CARD14: variants seen among roughly 807,000 people sequenced by gnomAD.
The protein encoded by CARD14 is caspase recruitment domain-containing protein 14.
In CARD14, 107 loss-of-function variants were observed where a neutral mutation model predicts 111.5. The ratio of observed to expected loss-of-function variants is 0.96; its 90% CI spans 0.82 to 1.13. The LOEUF (loss-of-function observed/expected upper bound fraction) is 1.13. Among genes scored for constraint, CARD14 ranks in the 50% most tolerant of loss-of-function variants. The pLI is 0.00. For synonymous variants in CARD14, 617 were observed against 579.6 expected (o/e 1.06, Z -0.93); for missense variants, 1,322 against 1,362.3 (o/e 0.97, Z 0.47).
chr17:80,196,368 GT>G (rs1173842860), intron 14 of CARD14: 2 of 152,178 alleles, frequency 1.3e-5, no homozygotes, highest in African/African-American at 4.8e-5. Flanking sequence ...ATTTATAATC[GT>G]GATAAATCGA....
At position 80,201,948 on chromosome 17, in the gene CARD14, C is replaced by A; in HGVS notation, c.1978+78C>A. The A allele has an allele frequency of 6.7e-7, 1 of 1,499,106 alleles. No individual in the cohort carries two copies. The highest frequency in any genetic ancestry group is 9.0e-7 in the Non-Finnish European group (1 of 1,112,912). 92.9% of individuals were successfully genotyped at this position (1,499,106 alleles called of 1,614,324 possible). A position where few individuals can be genotyped will look rare whatever the true frequency, so the allele number is the denominator to read the frequency against. On this transcript the variant is annotated intron_variant, in intron 17 of 23. Transcript: ENST00000648509. The surrounding 1 kb of genome is among the most constrained non-coding windows in gnomAD (Gnocchi z 5.0). The stretch of plus-strand genomic sequence containing the variant: ...CCTTAAGTCCCTGGTGGTTCTTCTG[C>A]ACGCCCAGCAGCCAGGGACCCCCAG...
Position 80,198,994 on chromosome 17 carries a change from G to C in CARD14, c.1851+403G>C, listed in dbSNP as rs2040831025. ...AACAGGGTCTCACTCTGTCACCCAG[G>C]CTAGAGTGCTGCGGTGCGATCACAG... On this transcript the variant is annotated intron_variant, in intron 16 of 23. Transcript: ENST00000648509. The surrounding 1 kb of genome is among the most constrained non-coding windows in gnomAD (Gnocchi z 7.5). 2 of 927,936 alleles carry C rather than the reference G, an allele frequency of 2.2e-6. No homozygotes were observed. Among genetic ancestry groups the C allele is most frequent in the Non-Finnish European group, 2.6e-6 (2 of 759,284 alleles). The allele number at this position is 927,936 out of a possible 1,614,324, so 57.5% of individuals were successfully genotyped here. A position where few individuals can be genotyped will look rare whatever the true frequency, so the allele number is the denominator to read the frequency against.
At position 80,189,701 on chromosome 17, in the gene CARD14, G is replaced by A. The variant is rs369166709; in HGVS notation, c.844-52G>A. ...ATCTTCTCGGGATTCTGCTTGCCTA[G>A]GGCAGGCCTCTGGGGAAGCCAGCAC... On this transcript the variant is annotated intron_variant, in intron 8 of 23. Transcript: ENST00000648509. This position sits in a 1 kb window ranked among gnomAD's most constrained non-coding sequence, Gnocchi z 4.7. 2 of 1,484,608 alleles carry A rather than the reference G, an allele frequency of 1.3e-6. No individual in the cohort carries two copies. The highest frequency in any genetic ancestry group is 1.4e-5 in the South Asian group (1 of 72,548). 92.0% of individuals were successfully genotyped at this position (1,484,608 alleles called of 1,614,324 possible). A position where few individuals can be genotyped will look rare whatever the true frequency, so the allele number is the denominator to read the frequency against.
chr17:80,175,068 C>T (rs972817279), intron 2 of CARD14, among the ~76,000 whole-genome samples: 2 of 152,020 alleles, frequency 1.3e-5, no homozygotes, highest in African/African-American at 4.8e-5. Context: ...CTCTGCCTCC[C>T]GGGCTCAAGT....
In CARD14 at chr17:80,198,931, C is replaced by A. The variant is rs2040828111; in HGVS notation, c.1851+340C>A. The A allele has an allele frequency of 8.5e-7, 1 of 1,176,822 alleles. No homozygotes were observed. Among genetic ancestry groups the A allele is most frequent in the Non-Finnish European group, 1.1e-6 (1 of 949,734 alleles). The allele number at this position is 1,176,822 out of a possible 1,614,324, so 72.9% of individuals were successfully genotyped here. A position where few individuals can be genotyped will look rare whatever the true frequency, so the allele number is the denominator to read the frequency against. ...AAATTCACTATTTTAACCACTGGGG[C>A]ATTTCTTTTCTTTCTTTTTTTTTGT... On this transcript the variant is annotated intron_variant, in intron 16 of 23. Transcript: ENST00000648509. The surrounding 1 kb of genome is among the most constrained non-coding windows in gnomAD (Gnocchi z 7.5).
rs2040828732 is a variant in CARD14, at chr17:80,198,941, CTTTCT to C, written c.1851+354_1851+358del. On this transcript the variant is annotated intron_variant, in intron 16 of 23. Transcript: ENST00000648509. The surrounding 1 kb of genome is among the most constrained non-coding windows in gnomAD (Gnocchi z 7.5). The stretch of plus-strand genomic sequence containing the variant: ...TTTTAACCACTGGGGCATTTCTTTT[CTTTCT>C]TTTTTTTTGTTTGTTGTTTTGAAAC... 13 of 1,150,750 alleles carry C rather than the reference CTTTCT, an allele frequency of 1.1e-5. No homozygotes were observed. The highest frequency in any genetic ancestry group is 1.3e-5 in the Non-Finnish European group (12 of 933,662). The allele number at this position is 1,150,750 out of a possible 1,614,324, so 71.3% of individuals were successfully genotyped here.
intron 3 of CARD14, among the ~76,000 whole-genome samples, 158 bp from the exon 4 acceptor site, chr17:80,178,946 A>G (rs1483812231): frequency 2.0e-5 from 3 of 152,074 alleles, no homozygotes; most frequent in African/African-American, 7.2e-5. Flanking sequence ...GGTTTCCACC[A>G]TGTTGGTCAG....
Position 80,195,468 on chromosome 17 carries a change from T to C in CARD14, c.1500-90T>C, listed in dbSNP as rs118144449. ...GCTCCTGCCCTCGAAGCCCCAGAGC[T>C]GGCAGGTGCTGGGGGCCAGTGCTTG... On this transcript the variant is annotated intron_variant, in intron 13 of 23. Transcript: ENST00000648509. The surrounding 1 kb of genome is among the most constrained non-coding windows in gnomAD (Gnocchi z 4.7). The C allele has an allele frequency of 0.028, 41,298 of 1,498,304 alleles. 717 individuals are homozygous for C. Among genetic ancestry groups the C allele is most frequent in the Non-Finnish European group, 0.033 (37,169 of 1,110,572 alleles). The allele number at this position is 1,498,304 out of a possible 1,614,324, so 92.8% of individuals were successfully genotyped here. A position where few individuals can be genotyped will look rare whatever the true frequency, so the allele number is the denominator to read the frequency against.
At chr17:80,190,708 C>A in intron 9 of CARD14, 66 bp from the exon 10 acceptor site, 2 of 1,589,782 alleles carry the variant, frequency 1.3e-6, no homozygotes, top group Non-Finnish European at 8.6e-7. Flanking sequence ...GGTTCCCCGA[C>A]CCCCTTCTAA....
At position 80,201,824 on chromosome 17, in the gene CARD14, G is replaced by A. The variant is rs1216686510; in HGVS notation, c.1932G>A (p.Arg644=). 6.2e-7 allele frequency: 1 copy of A among 1,614,100 alleles called. No homozygotes were observed. The highest frequency in any genetic ancestry group is 1.1e-5 in the South Asian group (1 of 91,086). ...TGGAGGAGGCCGTGGGGCTTCTCAG[G>A]AGGGTGGACGGCTTCTGCTGCCTGT... ...TTLEEAVGLL[R]RVDGFCCLSV... The change falls in exon 17 of 24, where the codon AGG becomes AGA. Residue 644 remains arginine, a synonymous_variant. Coordinates refer to ENST00000648509, the MANE Select transcript of CARD14 (RefSeq NM_001366385.1). The surrounding 1 kb of genome is among the most constrained non-coding windows in gnomAD (Gnocchi z 5.0).
At chr17:80,179,711 G>A (rs532000991) in intron 4 of CARD14, among the ~76,000 whole-genome samples, 77 of 152,226 alleles carry the variant, frequency 5.1e-4, no homozygotes, top group African/African-American at 1.6e-3. Flanking sequence ...GCATGCCTGC[G>A]GTCTCAGCTA....
At position 80,195,588 on chromosome 17, in the gene CARD14, G is replaced by A. The variant is rs376285944; in HGVS notation, c.1530G>A (p.Pro510=). 235 of 1,612,720 alleles carry A rather than the reference G, an allele frequency of 1.5e-4. No homozygotes were observed. The highest frequency in any genetic ancestry group is 2.5e-4 in the East Asian group (11 of 44,884). ...GCCTGGAGATCCCGGAGGGAGACCC[G>A]GGAGCCCTGCCGGGAGCTAAGGCAG... ...SSCLEIPEGD[P]GALPGAKAGD... The change falls in exon 14 of 24, where the codon CCG becomes CCA. Residue 510 remains proline (P), a synonymous_variant. Transcript: ENST00000648509. The surrounding 1 kb of genome is among the most constrained non-coding windows in gnomAD (Gnocchi z 4.7).
At chr17:80,171,109 G>C (rs1013203724) in intron 1 of CARD14, among the ~76,000 whole-genome samples, 1 of 150,310 alleles carries the variant, frequency 6.7e-6, no homozygotes, top group African/African-American at 2.4e-5. Context: ...CCAAAGTGCT[G>C]GGATTACGGG....
Position 80,189,928 on chromosome 17 carries a change from C to G in CARD14, c.963+56C>G. 6.5e-7 allele frequency: 1 copy of G among 1,549,090 alleles called. No homozygotes were observed. Among genetic ancestry groups the G allele is most frequent in the Non-Finnish European group, 8.6e-7 (1 of 1,159,272 alleles). On this transcript the variant is annotated intron_variant, in intron 9 of 23. Coordinates refer to ENST00000648509, the MANE Select transcript of CARD14 (RefSeq NM_001366385.1). This position sits in a 1 kb window ranked among gnomAD's most constrained non-coding sequence, Gnocchi z 4.7. ...TCTCCTGGGGCTTGTCTCAGGGGTGCGGACAGGTCTGTGGGGAAGCCAGAT... is the reference window on the plus strand; with the variant it reads ...TCTCCTGGGGCTTGTCTCAGGGGTGGGGACAGGTCTGTGGGGAAGCCAGAT...
intron 4 of CARD14, among the ~76,000 whole-genome samples, chr17:80,180,651 T>C (rs2040141677): frequency 6.6e-6 from 1 of 151,744 alleles, no homozygotes; most frequent in Non-Finnish European, 1.5e-5. Flanking sequence ...ATCTCGGCTC[T>C]AGAGAAGCCG....
rs573962968 is a variant in CARD14, at chr17:80,170,922, T to A, written c.-690+866T>A. ...GTGGCACAATCTCGGCTCACTGCAATTTCTGCCTCCTGGGTTCAGGTGATT... is the reference window on the plus strand; with the variant it reads ...GTGGCACAATCTCGGCTCACTGCAAATTCTGCCTCCTGGGTTCAGGTGATT... On this transcript the variant is annotated intron_variant, in intron 1 of 23. Coordinates refer to ENST00000648509, the MANE Select transcript of CARD14 (RefSeq NM_001366385.1). Among the ~76,000 whole-genome samples the A allele has an allele frequency of 1.4e-4, 20 of 147,404 alleles. No individual in the cohort carries two copies. The South Asian group carries it at 4.4e-3, about 33-fold the overall frequency.
intron 17 of CARD14, 135 bp from the exon 18 acceptor site, chr17:80,202,045 C>A: frequency 8.4e-7 from 1 of 1,193,668 alleles, no homozygotes; most frequent in Non-Finnish European, 1.2e-6. Flanking sequence ...AAACCTCCCA[C>A]CCACTGACTC....
At chr17:80,178,376 G>A (rs1340708095) in intron 2 of CARD14, 132 bp from the exon 3 acceptor site, 1 of 152,250 alleles carries the variant, frequency 6.6e-6, no homozygotes, top group Non-Finnish European at 1.5e-5. Context: ...GGTCCGTCGA[G>A]TTATTTCCCG....
In CARD14 at chr17:80,188,845, G is replaced by C. The variant is rs1050660424; in HGVS notation, c.843+301G>C. ...TGGGCAAGATAGCTTGAGCTCAGGAGTTCAAGACCAGCCTGGGCAACATGG... is the reference window on the plus strand; with the variant it reads ...TGGGCAAGATAGCTTGAGCTCAGGACTTCAAGACCAGCCTGGGCAACATGG... On this transcript the variant is annotated intron_variant, in intron 8 of 23. Coordinates refer to ENST00000648509, the MANE Select transcript of CARD14 (RefSeq NM_001366385.1). The surrounding 1 kb of genome is among the most constrained non-coding windows in gnomAD (Gnocchi z 4.5). The C allele has an allele frequency of 6.6e-5, 13 of 196,396 alleles. No homozygotes were observed. Among genetic ancestry groups the C allele is most frequent in the Non-Finnish European group, 1.0e-4 (10 of 97,648 alleles). 12.2% of individuals were successfully genotyped at this position (196,396 alleles called of 1,614,324 possible).
Sources: allele counts gnomAD v4.1 joint callset (sites outside exome capture counted in the v4.1 genomes callset), GRCh38; gene constraint gnomAD v4.1.1; non-coding constraint Gnocchi (gnomAD v3.1); transcripts MANE v1.5; gene names NCBI Gene and HGNC (gene_info 2026-07-23, HGNC 2026-07-21).